ICOS: variants seen among roughly 807,000 people sequenced by gnomAD.
The protein encoded by ICOS is inducible T cell costimulator.
ICOS carries 15 observed loss-of-function variants against 24.6 expected under a neutral mutation model. The observed-to-expected ratio is 0.61, with a 90% CI of 0.41 to 0.94. The LOEUF (loss-of-function observed/expected upper bound fraction) is 0.94, where lower values mean the gene tolerates loss of function less well. Ranked by LOEUF, ICOS falls within the 40% of genes least tolerant of loss-of-function variation. ICOS has a pLI of 0.00. For missense variants in ICOS, 200 were observed against 233.0 expected (o/e 0.86, Z 0.92); for synonymous variants, 89 against 77.5 (o/e 1.15, Z -0.78).
At chr2:203,947,447 T>A (rs1260226706) in intron 1 of ICOS, among the ~76,000 whole-genome samples, 1 of 152,124 alleles carries the variant, frequency 6.6e-6, no homozygotes, top group Non-Finnish European at 1.5e-5. Flanking sequence ...TAGCTGGGAT[T>A]ACAGGCACAC....
chr2:203,946,850 G>A (rs926601138), intron 1 of ICOS, among the ~76,000 whole-genome samples: 4 of 152,192 alleles, frequency 2.6e-5, no homozygotes, highest in Admixed American at 2.6e-4. Context: ...ACAAACTCAG[G>A]ACATCTTATC....
At chr2:203,946,629 T>G (rs542472062) in intron 1 of ICOS, among the ~76,000 whole-genome samples, 1 of 152,336 alleles carries the variant, frequency 6.6e-6, no homozygotes, top group Non-Finnish European at 1.5e-5. Flanking sequence ...GACATGACAT[T>G]GCTTTTATGA....
rs1690070854 is a variant in ICOS at position 203,955,957 on chromosome 2, A to G, written c.380A>G (p.Tyr127Cys). The change falls in exon 2 of 5, where the codon TAT (tyrosine) becomes TGT (cysteine). Residue 127 changes from tyrosine (Y) to cysteine (C), a missense_variant. Tyr to Cys is a radical substitution (Grantham distance 194). Coordinates refer to ENST00000316386, the MANE Select transcript of ICOS (RefSeq NM_012092.4). ...PPFKVTLTGG[Y>C]LHIYESQLCC... ...TTTAAAGTAACTCTTACAGGAGGAT[A>G]TTTGCATATTTATGGTAAGACATTG... The G allele has an allele frequency of 6.2e-7, 1 of 1,605,822 alleles. No individual in the cohort carries two copies. Among genetic ancestry groups the G allele is most frequent in the Non-Finnish European group, 8.5e-7 (1 of 1,173,414 alleles).
chr2:203,946,206 C>T (rs1359864179), intron 1 of ICOS, among the ~76,000 whole-genome samples: 1 of 152,150 alleles, frequency 6.6e-6, no homozygotes, highest in Non-Finnish European at 1.5e-5. Context: ...TATAATACCA[C>T]TGGGATTTTT....
At chr2:203,938,495 T>A (rs1219826766) in intron 1 of ICOS, among the ~76,000 whole-genome samples, 1 of 152,144 alleles carries the variant, frequency 6.6e-6, no homozygotes, top group Non-Finnish European at 1.5e-5. Flanking sequence ...TGGTCCAAGG[T>A]GAGGCTGGAA....
At chr2:203,952,058 G>C (rs1430939982) in intron 1 of ICOS, among the ~76,000 whole-genome samples, 1 of 151,934 alleles carries the variant, frequency 6.6e-6, no homozygotes, top group African/African-American at 2.4e-5. Context: ...ATATAGAAAA[G>C]TGAAAAAAAT....
chr2:203,957,975 G>C (rs1272434529), intron 4 of ICOS, 92 bp downstream of exon 4: 1 of 752,784 alleles, frequency 1.3e-6, no homozygotes, highest in African/African-American at 1.8e-5. Flanking sequence ...TTAAAGGAAA[G>C]GAAAACATCT....
intron 1 of ICOS, among the ~76,000 whole-genome samples, chr2:203,939,612 T>C (rs1400998330): frequency 6.6e-6 from 1 of 152,154 alleles, no homozygotes; most frequent in African/African-American, 2.4e-5. Flanking sequence ...GCATGTATTA[T>C]GATGTGTTCT....
chr2:203,956,012 T>C (rs753220410), intron 2 of ICOS, 41 bp downstream of exon 2: 57 of 1,424,088 alleles, frequency 4.0e-5, no homozygotes, highest in Non-Finnish European at 4.4e-5. Flanking sequence ...AGAGTATATA[T>C]ATGTTTTGAC....
intron 4 of ICOS, among the ~76,000 whole-genome samples, chr2:203,958,541 C>CT (rs1690117101): frequency 6.6e-6 from 1 of 152,100 alleles, no homozygotes; most frequent in East Asian, 1.9e-4. Flanking sequence ...AAATTCATGT[C>CT]TTATGCCCTT....
chr2:203,940,340 T>G (rs926711290), intron 1 of ICOS, among the ~76,000 whole-genome samples: 2 of 152,224 alleles, frequency 1.3e-5, no homozygotes, highest in African/African-American at 4.8e-5. Context: ...TCTCTTCTGT[T>G]TCAAGAATCC....
At chr2:203,937,382 G>A (rs4312468) in intron 1 of ICOS, among the ~76,000 whole-genome samples, 12,053 of 152,144 alleles carry the variant, frequency 0.079, 610 homozygotes, top group Middle Eastern at 0.12. Flanking sequence ...AAGTATCAGA[G>A]TTCACCCTAA....
intron 1 of ICOS, among the ~76,000 whole-genome samples, chr2:203,939,308 A>G (rs1689722057): frequency 1.3e-5 from 2 of 152,168 alleles, no homozygotes; most frequent in South Asian, 4.1e-4. Context: ...GTGAATTAAG[A>G]AGGATGGGAA....
rs1017140959 is a variant in ICOS at position 203,960,131 on chromosome 2, A to G, written c.*532A>G. On this transcript the variant is annotated 3_prime_UTR_variant, in exon 5 of 5. Coordinates refer to ENST00000316386, the MANE Select transcript of ICOS (RefSeq NM_012092.4). ...GTTGATGTGAACTGTACATTAGTAC[A>G]TACTCAGTACTCTCCTTCAATTGCT... 3 of 187,294 alleles carry G rather than the reference A, an allele frequency of 1.6e-5. No individual in the cohort carries two copies. Among genetic ancestry groups the G allele is most frequent in the Admixed American group, 1.1e-4 (2 of 18,740 alleles). 11.6% of individuals were successfully genotyped at this position (187,294 alleles called of 1,614,324 possible). A position where few individuals can be genotyped will look rare whatever the true frequency, so the allele number is the denominator to read the frequency against.
intron 1 of ICOS, among the ~76,000 whole-genome samples, chr2:203,939,349 C>T (rs912992277): frequency 4.0e-5 from 6 of 151,768 alleles, no homozygotes; most frequent in African/African-American, 1.5e-4. Flanking sequence ...TGATGGATCT[C>T]AATGTAGAAT....
At chr2:203,938,183 G>GT (rs1689696437) in intron 1 of ICOS, among the ~76,000 whole-genome samples, 1 of 152,216 alleles carries the variant, frequency 6.6e-6, no homozygotes, top group African/African-American at 2.4e-5. Context: ...ATGAGGGAAT[G>GT]TAACAAGGAG....
In ICOS at chr2:203,944,410, C is replaced by T. The variant is rs114194627; in HGVS notation, c.58+7538C>T. On this transcript the variant is annotated intron_variant, in intron 1 of 4. Coordinates refer to ENST00000316386, the MANE Select transcript of ICOS (RefSeq NM_012092.4). Reference sequence around the variant, plus strand: ...AGTCGGAAACTTCTCCACAAACAGACGCTCAGCTTCTCCGGTCAGAGTGTG... The same window carrying T: ...AGTCGGAAACTTCTCCACAAACAGATGCTCAGCTTCTCCGGTCAGAGTGTG... Among the ~76,000 whole-genome samples the T allele has an allele frequency of 3.7e-3, 556 of 152,262 alleles. 8 individuals carry two copies. The highest frequency in any genetic ancestry group is 0.013 in the African/African-American group (530 of 41,552).
At chr2:203,946,185 A>G (rs888281106) in intron 1 of ICOS, among the ~76,000 whole-genome samples, 1 of 152,226 alleles carries the variant, frequency 6.6e-6, no homozygotes, top group Non-Finnish European at 1.5e-5. Context: ...GTGAATATTG[A>G]TACAAAGTTT....
intron 3 of ICOS, 38 bp from the exon 4 acceptor site, chr2:203,957,760 GA>G: frequency 6.9e-7 from 1 of 1,447,940 alleles, no homozygotes; most frequent in Non-Finnish European, 9.7e-7. Context: ...AGATGGAGAA[GA>G]AAAGATGACC....
Sources: gnomAD v4.1 joint callset for allele counts (sites outside exome capture counted in the v4.1 genomes callset) on GRCh38, gnomAD v4.1.1 for gene constraint, MANE v1.5 for transcripts, NCBI Gene and HGNC (gene_info 2026-07-23, HGNC 2026-07-21) for gene names.